EXOC2: variants seen among roughly 807,000 people sequenced by gnomAD.
EXOC2 encodes the protein exocyst complex component 2, also known as SEC5-like 1.
EXOC2 carries 70 observed loss-of-function variants against 131.8 expected under a neutral mutation model. The ratio of observed to expected loss-of-function variants is 0.53; its 90% CI spans 0.44 to 0.65. The LOEUF (loss-of-function observed/expected upper bound fraction) is 0.65, where lower values mean the gene tolerates loss of function less well. Ranked by LOEUF, EXOC2 falls within the 30% of genes least tolerant of loss-of-function variation. The pLI is 0.00. For synonymous variants in EXOC2, 411 were observed against 398.4 expected (o/e 1.03, Z -0.38); for missense variants, 923 against 1,108.6 (o/e 0.83, Z 2.38).
intron 7 of EXOC2, among the ~76,000 whole-genome samples, chr6:609,120 CT>C (rs1204131552): frequency 6.6e-6 from 1 of 152,318 alleles, no homozygotes; most frequent in Admixed American, 6.5e-5. Flanking sequence ...CAAGAGAACA[CT>C]TCTTTCTAGA....
At chr6:555,889 G>C in intron 19 of EXOC2, 65 bp downstream of exon 19, 1 of 1,473,742 alleles carries the variant, frequency 6.8e-7, no homozygotes, top group Non-Finnish European at 9.4e-7. Flanking sequence ...ATTATAAATA[G>C]GAGAGGGGTT....
At chr6:561,834 G>A (rs142965131) in intron 17 of EXOC2, among the ~76,000 whole-genome samples, 3,013 of 152,222 alleles carry the variant, frequency 0.02, 72 homozygotes, top group African/African-American at 0.052. Context: ...CGCCCACCTC[G>A]GCCTCCAAAA....
Position 549,178 on chromosome 6 carries a change from T to C in EXOC2, c.2235A>G (p.Thr745=). The change falls in exon 22 of 28, where the codon ACA becomes ACG. Residue 745 remains threonine (T), a synonymous_variant. Transcript: ENST00000230449. ...KHNFQGIEKI[T]QVSMASLKEL... is the part of the protein sequence containing the mutation. ...CGTTTTACATGAACTCGCTTACCTGTGTGATTTTTTCTATTCCCTGGAAGT... is the reference window on the plus strand; with the variant it reads ...CGTTTTACATGAACTCGCTTACCTGCGTGATTTTTTCTATTCCCTGGAAGT... 1 of 1,613,020 alleles carries C rather than the reference T, an allele frequency of 6.2e-7. No individual in the cohort carries two copies. The highest frequency in any genetic ancestry group is 1.1e-5 in the South Asian group (1 of 91,046).
chr6:492,371 G>C (rs920348996), intron 25 of EXOC2, among the ~76,000 whole-genome samples: 1 of 152,212 alleles, frequency 6.6e-6, no homozygotes, highest in Non-Finnish European at 1.5e-5. Flanking sequence ...TAAGTATAGA[G>C]TAACCACATG....
intron 1 of EXOC2, among the ~76,000 whole-genome samples, chr6:687,962 G>A (rs756652793): frequency 3.9e-5 from 6 of 152,186 alleles, no homozygotes; most frequent in East Asian, 1.9e-4. Flanking sequence ...GAAGGCTTTA[G>A]TAAGACATGA....
chr6:523,805 A>T (rs1765607523), intron 23 of EXOC2, among the ~76,000 whole-genome samples: 1 of 152,208 alleles, frequency 6.6e-6, no homozygotes, highest in Admixed American at 6.5e-5. Flanking sequence ...TGGTGATATC[A>T]CTAACTCATA....
At chr6:541,591 A>C (rs1257371625) in intron 22 of EXOC2, among the ~76,000 whole-genome samples, 1 of 135,108 alleles carries the variant, frequency 7.4e-6, no homozygotes, top group Non-Finnish European at 1.7e-5. Context: ...AAATACAAAC[A>C]AGCGATAGTA....
intron 1 of EXOC2, among the ~76,000 whole-genome samples, chr6:684,229 G>A (rs979298417): frequency 6.6e-6 from 1 of 152,162 alleles, no homozygotes; most frequent in Non-Finnish European, 1.5e-5. Flanking sequence ...AGACAGGAGA[G>A]TCTTCCCTAT....
intron 1 of EXOC2, among the ~76,000 whole-genome samples, chr6:681,864 C>A (rs1764418525): frequency 6.6e-6 from 1 of 152,216 alleles, no homozygotes; most frequent in South Asian, 2.1e-4. Context: ...ATCAACTGCT[C>A]TGGAGGATAA....
chr6:641,164 C>T (rs1762336450), intron 1 of EXOC2, among the ~76,000 whole-genome samples: 1 of 151,926 alleles, frequency 6.6e-6, no homozygotes, highest in South Asian at 2.1e-4. Context: ...CATCTTTTCT[C>T]TCACATAATG....
At chr6:645,262 C>T (rs1181406783) in intron 1 of EXOC2, among the ~76,000 whole-genome samples, 2 of 149,038 alleles carry the variant, frequency 1.3e-5, no homozygotes, top group Non-Finnish European at 3.0e-5. Flanking sequence ...GGAATGTTAA[C>T]TGCAACCTCA....
chr6:581,502 G>C (rs541303074), intron 11 of EXOC2, among the ~76,000 whole-genome samples: 1 of 152,100 alleles, frequency 6.6e-6, no homozygotes, highest in Non-Finnish European at 1.5e-5. Flanking sequence ...ACAAAATTGC[G>C]AACAGGCACA....
chr6:611,590 C>T (rs1760718562), intron 6 of EXOC2, among the ~76,000 whole-genome samples: 1 of 152,212 alleles, frequency 6.6e-6, no homozygotes, highest in African/African-American at 2.4e-5. Flanking sequence ...ACAGCAGAGC[C>T]ACTGCCAAGC....
chr6:566,398 G>A (rs1325349744), intron 13 of EXOC2, among the ~76,000 whole-genome samples: 1 of 152,232 alleles, frequency 6.6e-6, no homozygotes, highest in Admixed American at 6.5e-5. Context: ...GACAGCAGCA[G>A]GTGAGCCCAG....
At chr6:514,335 G>A (rs1003869107) in intron 23 of EXOC2, among the ~76,000 whole-genome samples, 1 of 152,170 alleles carries the variant, frequency 6.6e-6, no homozygotes, top group Non-Finnish European at 1.5e-5. Context: ...ACTAAGAGAA[G>A]GTGGTTAAGA....
intron 1 of EXOC2, among the ~76,000 whole-genome samples, chr6:687,209 C>G (rs549522616): frequency 2.0e-5 from 2 of 100,354 alleles, no homozygotes; most frequent in East Asian, 3.6e-4. Context: ...CAGGGTCTCA[C>G]TCAGTCACCC....
At chr6:592,372 TA>T in intron 11 of EXOC2, 96 bp downstream of exon 11, 1 of 1,042,340 alleles carries the variant, frequency 9.6e-7, no homozygotes, top group Non-Finnish European at 1.4e-6. Context: ...AGATACCAAG[TA>T]AATTAGGTAG....
chr6:551,761 G>A (rs1219443738), intron 21 of EXOC2, among the ~76,000 whole-genome samples: 1 of 152,190 alleles, frequency 6.6e-6, no homozygotes, highest in African/African-American at 2.4e-5. Context: ...AAGCCCCTCA[G>A]CCCTTGGGGC....
At chr6:497,629 G>T in intron 24 of EXOC2, 140 bp from the exon 25 acceptor site, 2 of 1,114,532 alleles carry the variant, frequency 1.8e-6, no homozygotes, top group East Asian at 2.6e-5. Flanking sequence ...AATTATAAAT[G>T]AAAGGAAGAT....
Sources: allele counts gnomAD v4.1 joint callset (sites outside exome capture counted in the v4.1 genomes callset), GRCh38; gene constraint gnomAD v4.1.1; transcripts MANE v1.5; gene names NCBI Gene and HGNC (gene_info 2026-07-23, HGNC 2026-07-21).